ARHGEF33: variants seen among roughly 807,000 people sequenced by gnomAD.
ARHGEF33 encodes DH and coiled-coil domain-containing protein ENSP00000381780.
ARHGEF33 carries 72 observed loss-of-function variants against 101.9 expected under a neutral mutation model. The ratio of observed to expected loss-of-function variants is 0.71; its 90% CI spans 0.58 to 0.86. ARHGEF33 has a LOEUF of 0.86. Ranked by LOEUF, ARHGEF33 falls within the 40% of genes least tolerant of loss-of-function variation. The pLI is 0.00. For missense variants in ARHGEF33, 1,169 were observed against 1,111.3 expected (o/e 1.05, Z -0.74); for synonymous variants, 499 against 442.5 (o/e 1.13, Z -1.60).
chr2:38,939,842 C>T (rs1667259110), intron 9 of ARHGEF33, among the ~76,000 whole-genome samples: 2 of 152,164 alleles, frequency 1.3e-5, no homozygotes, highest in African/African-American at 2.4e-5. Context: ...TAAAATAGCT[C>T]GTGACTTTCT....
intron 9 of ARHGEF33, among the ~76,000 whole-genome samples, chr2:38,937,998 G>A (rs1042727675): frequency 1.3e-5 from 2 of 152,054 alleles, no homozygotes; most frequent in African/African-American, 4.8e-5. Context: ...TACTGTGTCA[G>A]ACAATGGCAT....
chr2:38,901,385 G>C (rs1666233503), intron 2 of ARHGEF33, among the ~76,000 whole-genome samples: 2 of 152,120 alleles, frequency 1.3e-5, no homozygotes, highest in South Asian at 2.1e-4. Context: ...TTGCTGGTGG[G>C]CTCCCTTCCT....
At chr2:38,965,329 C>G (rs1269883188) in intron 16 of ARHGEF33, among the ~76,000 whole-genome samples, 1 of 152,180 alleles carries the variant, frequency 6.6e-6, no homozygotes, top group African/African-American at 2.4e-5. Flanking sequence ...TAGCACATCT[C>G]ACACTTAGAA....
intron 11 of ARHGEF33, among the ~76,000 whole-genome samples, chr2:38,951,579 C>A (rs191853161): frequency 6.6e-6 from 1 of 151,064 alleles, no homozygotes; most frequent in South Asian, 2.1e-4. Context: ...CTAGCTTGAG[C>A]GACACAGCAA....
rs1261818141 is a variant in ARHGEF33, at chr2:38,931,204, C to G, written c.458C>G (p.Pro153Arg). The G allele has an allele frequency of 1.9e-6, 3 of 1,551,382 alleles. No homozygotes were observed. The highest frequency in any genetic ancestry group is 2.6e-6 in the Non-Finnish European group (3 of 1,146,806). Residue 153 changes from proline to arginine, a missense_variant, in exon 7 of 18, where the codon CCA (proline) becomes CGA (arginine). Coordinates refer to ENST00000409978, the MANE Select transcript of ARHGEF33 (RefSeq NM_001145451.5). ...ATCAATATCCCTGAGCCTGTTCTTCCAAGCGAAGACTTTACCAACCTTTTG... is the reference window on the plus strand; with the variant it reads ...ATCAATATCCCTGAGCCTGTTCTTCGAAGCGAAGACTTTACCAACCTTTTG... ...RSINIPEPVL[P>R]SEDFTNLLPS...
At chr2:38,935,934 G>A in intron 8 of ARHGEF33, 100 bp downstream of exon 8, 1 of 961,758 alleles carries the variant, frequency 1.0e-6, no homozygotes. Flanking sequence ...AACCAGGCAT[G>A]AAAGAACTCA....
chr2:38,938,954 T>A (rs1225513335), intron 9 of ARHGEF33, among the ~76,000 whole-genome samples: 3 of 152,194 alleles, frequency 2.0e-5, no homozygotes, highest in Admixed American at 6.5e-5. Flanking sequence ...ATCACATTTT[T>A]AAAAATCCAT....
At chr2:38,891,550 A>G (rs1190400979) in intron 1 of ARHGEF33, among the ~76,000 whole-genome samples, 1 of 152,194 alleles carries the variant, frequency 6.6e-6, no homozygotes, top group Non-Finnish European at 1.5e-5. Context: ...CAGAAGATTT[A>G]CAGGTGACCT....
At chr2:38,963,039 A>C (rs1369141392) in intron 16 of ARHGEF33, among the ~76,000 whole-genome samples, 4 of 150,296 alleles carry the variant, frequency 2.7e-5, no homozygotes, top group Non-Finnish European at 5.9e-5. Flanking sequence ...AAAAAAAAAA[A>C]AGGCCCTGGT....
At chr2:38,933,280 C>T (rs983455194) in intron 7 of ARHGEF33, among the ~76,000 whole-genome samples, 1 of 152,168 alleles carries the variant, frequency 6.6e-6, no homozygotes, top group African/African-American at 2.4e-5. Flanking sequence ...GTAACCTGGG[C>T]CTCTCCAAGT....
At chr2:38,890,968 G>GTTTTTTTTTTTTT (rs11380408) in intron 1 of ARHGEF33, among the ~76,000 whole-genome samples, 11 of 144,994 alleles carry the variant, frequency 7.6e-5, no homozygotes, top group Non-Finnish European at 7.5e-5. Context: ...CATACTATTG[G>GTTTTTTTTTTTTT]TTTTTTTTTT....
intron 13 of ARHGEF33, among the ~76,000 whole-genome samples, chr2:38,955,402 G>C (rs1176224635): frequency 6.6e-6 from 1 of 150,614 alleles, no homozygotes; most frequent in African/African-American, 2.4e-5. Context: ...TTCAATGAAA[G>C]CGTCTTAGAA....
chr2:38,973,678 A>G, intron 17 of ARHGEF33, 36 bp from the exon 18 acceptor site: 1 of 1,458,510 alleles, frequency 6.9e-7, no homozygotes, highest in Non-Finnish European at 9.1e-7. Flanking sequence ...TTAAAACCAA[A>G]TCAACCTGTA....
At chr2:38,957,174 GGAGA>G in intron 14 of ARHGEF33, 127 bp downstream of exon 14, 1 of 1,201,290 alleles carries the variant, frequency 8.3e-7, no homozygotes, top group Non-Finnish European at 1.2e-6. Flanking sequence ...AGAGAGAAGG[GGAGA>G]GAAAGAGCTA....
At chr2:38,897,913 G>A (rs942636073) in intron 2 of ARHGEF33, among the ~76,000 whole-genome samples, 3 of 152,220 alleles carry the variant, frequency 2.0e-5, no homozygotes, top group African/African-American at 7.2e-5. Context: ...AACCATGACT[G>A]TCTTCGTGAT....
At chr2:38,961,156 T>C (rs1667928413) in intron 16 of ARHGEF33, among the ~76,000 whole-genome samples, 1 of 152,188 alleles carries the variant, frequency 6.6e-6, no homozygotes, top group South Asian at 2.1e-4. Context: ...TTCTTGCTTG[T>C]AGCTAGGGAG....
intron 2 of ARHGEF33, among the ~76,000 whole-genome samples, chr2:38,907,885 G>A (rs906545944): frequency 2.1e-5 from 3 of 141,198 alleles, no homozygotes; most frequent in Non-Finnish European, 4.6e-5. Context: ...TTTAGACAAT[G>A]TCTCACTCTG....
chr2:38,957,993 G>C (rs1194506456), intron 14 of ARHGEF33, 41 bp from the exon 15 acceptor site: 63 of 1,548,116 alleles, frequency 4.1e-5, no homozygotes, highest in Non-Finnish European at 5.4e-5. Context: ...GAGCCAGTTT[G>C]CCACTGTACA....
Position 38,951,058 on chromosome 2 carries a change from G to A in ARHGEF33, c.990G>A (p.Arg330=), listed in dbSNP as rs764421530. The A allele has an allele frequency of 2.6e-6, 4 of 1,551,944 alleles. No homozygotes were observed. The Middle Eastern group carries it at 6.7e-4, about 259-fold the overall frequency. The stretch of plus-strand genomic sequence containing the variant: ...ATCTGCTTCACGCACTGCAGGAAAG[G>A]GTCCTGAAGTGGCCACGCCAAGGCG... ...HLDLLHALQE[R]VLKWPRQGVL... Residue 330 remains arginine, a synonymous_variant, in exon 11 of 18, where the codon AGG becomes AGA. Transcript: ENST00000409978.
Sources: gnomAD v4.1 joint callset for allele counts (sites outside exome capture counted in the v4.1 genomes callset) on GRCh38, gnomAD v4.1.1 for gene constraint, MANE v1.5 for transcripts, NCBI Gene and HGNC (gene_info 2026-07-23, HGNC 2026-07-21) for gene names.